ATP10B: variants seen among roughly 807,000 people sequenced by gnomAD.
ATP10B encodes ATPase phospholipid transporting 10B (putative), also known as phospholipid-transporting ATPase VB.
Under a neutral mutation model 141.2 loss-of-function variants are expected in ATP10B, and 122 were observed. The observed-to-expected ratio is 0.86, with a 90% confidence interval of 0.75 to 1.00. The LOEUF (loss-of-function observed/expected upper bound fraction) is 1.00, where lower values mean the gene tolerates loss of function less well. ATP10B is among the 50% of genes least tolerant of loss of function. The pLI is 0.00. For synonymous variants in ATP10B, 685 were observed against 692.0 expected, an observed-to-expected ratio of 0.99 and a Z score of 0.16; for missense variants, 1,876 against 1,825.3, an observed-to-expected ratio of 1.03 and a Z score of -0.51.
chr5:160,586,420 T>C (rs1177467367), intron 24 of ATP10B, among the ~76,000 whole-genome samples: 2 of 152,240 alleles, frequency 1.3e-5, no homozygotes, highest in Non-Finnish European at 1.5e-5. Flanking sequence ...CTATTGTAAA[T>C]AGTGCTGCAA....
At chr5:160,911,083 T>G in the ATP10B span, among the ~76,000 whole-genome samples, 6 of 152,312 alleles carry the variant, frequency 3.9e-5, no homozygotes, top group African/African-American at 1.4e-4. Context: ...TTTAAAAAAT[T>G]GGGGAGAAAT....
chr5:160,601,923 C>T (rs1349487027), intron 21 of ATP10B, among the ~76,000 whole-genome samples: 1 of 152,158 alleles, frequency 6.6e-6, no homozygotes, highest in Non-Finnish European at 1.5e-5. Context: ...AAGCCATGGG[C>T]TCCAGGCTTA....
chr5:160,738,966 A>G (rs1767291820), intron 2 of ATP10B, among the ~76,000 whole-genome samples: 1 of 152,230 alleles, frequency 6.6e-6, no homozygotes, highest in African/African-American at 2.4e-5. Flanking sequence ...TAGGTTAAGA[A>G]TTCTTAACAA....
intron 1 of ATP10B, among the ~76,000 whole-genome samples, chr5:160,808,916 A>T (rs1250736337): frequency 6.6e-6 from 1 of 152,078 alleles, no homozygotes; most frequent in African/African-American, 2.4e-5. Flanking sequence ...GGCTGTGAGG[A>T]AGCATCTGTT....
intron 6 of ATP10B, among the ~76,000 whole-genome samples, chr5:160,681,102 C>G (rs1031256577): frequency 9.2e-5 from 14 of 152,148 alleles, no homozygotes; most frequent in African/African-American, 3.1e-4. Context: ...CTTGTAATGA[C>G]TTAAGCCAAG....
intron 1 of ATP10B, among the ~76,000 whole-genome samples, chr5:160,791,757 C>A (rs1771587808): frequency 6.6e-6 from 1 of 152,118 alleles, no homozygotes; most frequent in Non-Finnish European, 1.5e-5. Context: ...GTCACGGGAT[C>A]ACATATGGCT....
Position 160,689,007 on chromosome 5 carries a change from G to C in ATP10B, c.-204-64C>G, listed in dbSNP as rs931107850. The C allele has an allele frequency of 4.4e-6, 4 of 907,904 alleles. No homozygotes were observed. The African/African-American group carries it at 7.2e-5, about 16-fold the overall frequency. 56.2% of individuals were successfully genotyped at this position (907,904 alleles called of 1,614,324 possible). A position where few individuals can be genotyped will look rare whatever the true frequency, so the allele number is the denominator to read the frequency against. On this transcript the variant is annotated intron_variant, in intron 3 of 25. Transcript: ENST00000327245. ...GGTGGCAAAGAAATGCTGCTTTACA[G>C]CACATCAAAAAGCTTGTCCACCACC... is the stretch of plus-strand genomic sequence containing the variant.
chr5:160,693,556 G>A (rs1175540635), intron 3 of ATP10B, among the ~76,000 whole-genome samples: 1 of 152,108 alleles, frequency 6.6e-6, no homozygotes, highest in Non-Finnish European at 1.5e-5. Context: ...GGGGAAGAGT[G>A]CTCCAGGTAG....
chr5:160,598,370 C>T (rs1313009514), intron 22 of ATP10B, among the ~76,000 whole-genome samples: 2 of 151,798 alleles, frequency 1.3e-5, no homozygotes, highest in Admixed American at 6.6e-5. Flanking sequence ...GGGAACATCA[C>T]ACTCTGGGGA....
chr5:160,922,356 T>C, the ATP10B span, among the ~76,000 whole-genome samples: 4 of 36,934 alleles, frequency 1.1e-4, no homozygotes, highest in Non-Finnish European at 2.8e-4. Flanking sequence ...TTAAATGTAG[T>C]AATATATGGA....
chr5:160,748,624 C>T (rs1461172316), intron 2 of ATP10B, among the ~76,000 whole-genome samples: 1 of 152,176 alleles, frequency 6.6e-6, no homozygotes, highest in African/African-American at 2.4e-5. Context: ...GAGTAACTTC[C>T]AGATGCCAGC....
At chr5:160,916,339 C>G in the ATP10B span, among the ~76,000 whole-genome samples, 1 of 152,134 alleles carries the variant, frequency 6.6e-6, no homozygotes, top group Non-Finnish European at 1.5e-5. Flanking sequence ...TTATTTGGAG[C>G]CTCAGTTTTC....
chr5:160,786,946 A>G (rs896113778), intron 1 of ATP10B, among the ~76,000 whole-genome samples: 3 of 152,046 alleles, frequency 2.0e-5, no homozygotes, highest in African/African-American at 7.2e-5. Context: ...GGTCATCTGC[A>G]TGACAGCTCT....
the ATP10B span, among the ~76,000 whole-genome samples, chr5:160,862,965 A>G: frequency 6.6e-6 from 1 of 152,030 alleles, no homozygotes; most frequent in African/African-American, 2.4e-5. Flanking sequence ...GTGATACAAA[A>G]GAAACATAGT....
the ATP10B span, among the ~76,000 whole-genome samples, chr5:160,872,427 G>T: frequency 4.3e-4 from 65 of 152,160 alleles, no homozygotes; most frequent in Non-Finnish European, 6.8e-4. Context: ...TTTGCTTTTG[G>T]GTTCTTGATC....
the ATP10B span, among the ~76,000 whole-genome samples, chr5:160,917,659 G>A: frequency 7.9e-5 from 12 of 152,118 alleles, no homozygotes; most frequent in African/African-American, 2.9e-4. Flanking sequence ...GCTTGGATAG[G>A]GGAGGAAGAT....
intron 1 of ATP10B, among the ~76,000 whole-genome samples, chr5:160,808,760 T>C (rs572743000): frequency 4.6e-5 from 7 of 152,182 alleles, no homozygotes; most frequent in Non-Finnish European, 1.0e-4. Flanking sequence ...TCATTTCTTA[T>C]TGATAAAGAA....
intron 1 of ATP10B, among the ~76,000 whole-genome samples, chr5:160,841,976 C>G (rs759895741): frequency 6.6e-6 from 1 of 152,132 alleles, no homozygotes; most frequent in East Asian, 1.9e-4. Context: ...CCACCCGCCT[C>G]GGCCTCCCAA....
chr5:160,788,358 G>A (rs1771321890), intron 1 of ATP10B, among the ~76,000 whole-genome samples: 1 of 152,206 alleles, frequency 6.6e-6, no homozygotes, highest in Non-Finnish European at 1.5e-5. Context: ...AAAGGCAACA[G>A]CGGATTTTGA....
Sources: allele counts gnomAD v4.1 joint callset (sites outside exome capture counted in the v4.1 genomes callset), GRCh38; gene constraint gnomAD v4.1.1; transcripts MANE v1.5; gene names NCBI Gene and HGNC (gene_info 2026-07-23, HGNC 2026-07-21).